RORB: variants seen among roughly 807,000 people sequenced by gnomAD.
RORB encodes the protein nuclear receptor ROR-beta.
RORB carries 6 observed loss-of-function variants against 59.1 expected under a neutral mutation model. That is an observed-to-expected ratio of 0.10 (90% confidence interval 0.06 to 0.20). The LOEUF is 0.20. Among genes scored for constraint, RORB ranks in the 10% least tolerant of loss-of-function variants. The pLI, the probability that RORB is intolerant of heterozygous loss-of-function variation, is 1.00. For synonymous variants in RORB, 215 were observed against 204.5 expected (o/e 1.05, Z -0.44); for missense variants, 320 against 560.5 (o/e 0.57, Z 4.33).
At chr9:74,526,768 C>A (rs1031557578) in intron 1 of RORB, among the ~76,000 whole-genome samples, 1 of 151,766 alleles carries the variant, frequency 6.6e-6, no homozygotes, top group African/African-American at 2.4e-5. Context: ...AAACTTAGGG[C>A]AAACATGGGA....
At chr9:74,650,898 C>G (rs984904056) in intron 4 of RORB, among the ~76,000 whole-genome samples, 1 of 152,150 alleles carries the variant, frequency 6.6e-6, no homozygotes, top group Non-Finnish European at 1.5e-5. Context: ...AATGCATTGA[C>G]TAAACATCCA....
chr9:74,507,905 G>A (rs1825890369), intron 1 of RORB, among the ~76,000 whole-genome samples: 1 of 151,896 alleles, frequency 6.6e-6, no homozygotes, highest in Non-Finnish European at 1.5e-5. Flanking sequence ...TAGAATAGAG[G>A]AACATTTGTT....
In RORB at chr9:74,680,246, A is replaced by G. The variant is rs547367955; in HGVS notation, c.1225-5217A>G. On this transcript the variant is annotated intron_variant, in intron 9 of 9. Transcript: ENST00000376896. ...CTCAAGGTTAAAAATGCAGCCATCA[A>G]TCAGGAAAGTACTGGAACTACGAAT... Among the ~76,000 whole-genome samples, 3 of 152,336 alleles carry G rather than the reference A, an allele frequency of 2.0e-5. No individual in the cohort carries two copies. In the East Asian group the frequency reaches 5.8e-4, roughly 29 times the overall value.
At chr9:74,565,539 G>T (rs182353445) in intron 1 of RORB, among the ~76,000 whole-genome samples, 2 of 152,196 alleles carry the variant, frequency 1.3e-5, no homozygotes, top group African/African-American at 4.8e-5. Flanking sequence ...AAGTGGTTTT[G>T]TTTACTTTTA....
intron 1 of RORB, among the ~76,000 whole-genome samples, chr9:74,549,728 G>A (rs1184550611): frequency 6.6e-6 from 1 of 151,770 alleles, no homozygotes; most frequent in Non-Finnish European, 1.5e-5. Flanking sequence ...CTGCTTGTAG[G>A]ATTATGTGTG....
At chr9:74,541,301 A>G (rs1826404315) in intron 1 of RORB, among the ~76,000 whole-genome samples, 1 of 147,782 alleles carries the variant, frequency 6.8e-6, no homozygotes, top group Non-Finnish European at 1.5e-5. Flanking sequence ...AAAAAAAAAA[A>G]AAAAAGTAAA....
chr9:74,634,431 G>A (rs1385185485), intron 2 of RORB, among the ~76,000 whole-genome samples, 200 bp from the exon 3 acceptor site: 1 of 152,228 alleles, frequency 6.6e-6, no homozygotes, highest in Non-Finnish European at 1.5e-5. Flanking sequence ...GTAAATGAAT[G>A]ATACCCTCAT....
intron 1 of RORB, among the ~76,000 whole-genome samples, chr9:74,517,711 T>A (rs913818232): frequency 6.6e-6 from 1 of 151,976 alleles, no homozygotes; most frequent in Non-Finnish European, 1.5e-5. Context: ...ATAGAAAAAA[T>A]TATACTTAAA....
intron 9 of RORB, among the ~76,000 whole-genome samples, chr9:74,679,336 T>TG (rs1824503206): frequency 6.6e-6 from 1 of 152,212 alleles, no homozygotes; most frequent in Non-Finnish European, 1.5e-5. Context: ...CATAAGTATG[T>TG]ACTTCACTGA....
chr9:74,517,847 T>C (rs1246057688), intron 1 of RORB, among the ~76,000 whole-genome samples: 1 of 152,068 alleles, frequency 6.6e-6, no homozygotes, highest in Non-Finnish European at 1.5e-5. Context: ...TAATTCTTGT[T>C]GAACACTCAC....
intron 1 of RORB, among the ~76,000 whole-genome samples, chr9:74,586,000 T>A (rs1022617759): frequency 1.3e-5 from 2 of 151,830 alleles, no homozygotes; most frequent in Non-Finnish European, 2.9e-5. Context: ...TTCACCGTGT[T>A]AGCCAGGATG....
chr9:74,544,413 G>A (rs1174040195), intron 1 of RORB, among the ~76,000 whole-genome samples: 2 of 152,188 alleles, frequency 1.3e-5, no homozygotes, highest in Non-Finnish European at 2.9e-5. Flanking sequence ...GGGAAGGGAT[G>A]TGCTCCAGTG....
chr9:74,590,731 T>C (rs984069398), intron 1 of RORB, among the ~76,000 whole-genome samples: 1 of 152,174 alleles, frequency 6.6e-6, no homozygotes, highest in Non-Finnish European at 1.5e-5. Context: ...CTTTAGGAGA[T>C]ATTTGTATTT....
chr9:74,574,632 G>A (rs193118581), intron 1 of RORB, among the ~76,000 whole-genome samples: 17 of 152,190 alleles, frequency 1.1e-4, no homozygotes, highest in Non-Finnish European at 2.5e-4. Context: ...AAACCTCAGA[G>A]TCAGAATTGG....
chr9:74,650,171 T>G (rs1258124461), intron 4 of RORB, among the ~76,000 whole-genome samples: 7 of 152,252 alleles, frequency 4.6e-5, no homozygotes, highest in Non-Finnish European at 1.0e-4. Context: ...TTTCTACTTA[T>G]GAAGTGACCT....
At chr9:74,636,381 G>A (rs1823703230) in intron 3 of RORB, among the ~76,000 whole-genome samples, 1 of 152,170 alleles carries the variant, frequency 6.6e-6, no homozygotes, top group Admixed American at 6.6e-5. Flanking sequence ...TTCTGGAAGA[G>A]CAGGTCTAAG....
At chr9:74,571,874 C>T (rs558881599) in intron 1 of RORB, among the ~76,000 whole-genome samples, 2 of 152,144 alleles carry the variant, frequency 1.3e-5, no homozygotes, top group Non-Finnish European at 2.9e-5. Flanking sequence ...ATCTTCCTCA[C>T]ACAAAGAAGC....
chr9:74,577,013 A>G (rs974499592), intron 1 of RORB, among the ~76,000 whole-genome samples: 2 of 152,102 alleles, frequency 1.3e-5, no homozygotes, highest in Non-Finnish European at 2.9e-5. Flanking sequence ...ATTGCCTCCA[A>G]GGCCAGTGCT....
intron 4 of RORB, among the ~76,000 whole-genome samples, chr9:74,649,091 G>A (rs553228639): frequency 6.6e-6 from 1 of 151,740 alleles, no homozygotes; most frequent in African/African-American, 2.4e-5. Flanking sequence ...AGCATCTCAA[G>A]TAGCTGGGAT....
Sources: allele counts gnomAD v4.1 joint callset (sites outside exome capture counted in the v4.1 genomes callset), GRCh38; gene constraint gnomAD v4.1.1; transcripts MANE v1.5; gene names NCBI Gene and HGNC (gene_info 2026-07-23, HGNC 2026-07-21).